The following CSRNP1 variants were observed in gnomAD, a reference collection of about 807,000 sequenced individuals.
CSRNP1 encodes the protein cysteine/serine-rich nuclear protein 1.
Under a neutral mutation model 25.0 loss-of-function variants are expected in CSRNP1, and 8 were observed. That is an observed-to-expected ratio of 0.32 (90% CI 0.19 to 0.58). The LOEUF (loss-of-function observed/expected upper bound fraction) is 0.58. CSRNP1 is among the 20% of genes least tolerant of loss of function. The probability of loss-of-function intolerance (pLI) is 0.88; values close to 1 mark genes in which losing one functional copy is unlikely to be tolerated. For synonymous variants in CSRNP1, 305 were observed against 303.1 expected, an observed-to-expected ratio of 1.01 and a Z score of -0.06; for missense variants, 691 against 773.1, an observed-to-expected ratio of 0.89 and a Z score of 1.26.
intron 3 of CSRNP1, 65 bp downstream of exon 3, chr3:39,144,932 A>AC: frequency 1.4e-6 from 2 of 1,434,146 alleles, no homozygotes; most frequent in South Asian, 2.7e-5. Flanking sequence ...TGGTACGCCC[A>AC]CCCCTCAAGG....
intron 2 of CSRNP1, among the ~76,000 whole-genome samples, chr3:39,145,510 C>T (rs2039496498): frequency 6.6e-6 from 1 of 152,236 alleles, no homozygotes; most frequent in Non-Finnish European, 1.5e-5. Context: ...TAAGATTAAA[C>T]ATCTTTCCTA....
Position 39,144,058 on chromosome 3 carries a change from T to A in CSRNP1, c.781-14A>T, listed in dbSNP as rs982907624. The A allele has an allele frequency of 1.2e-6, 2 of 1,609,012 alleles. No individual in the cohort carries two copies. Among genetic ancestry groups the A allele is most frequent in the Non-Finnish European group, 1.7e-6 (2 of 1,178,570 alleles). ...TGTGTGGTCCATCTGCAGAGAAAAG[T>A]AGAGGTACAAGTGAGGGTTCTGTGG... On this transcript the variant is annotated splice_polypyrimidine_tract_variant and intron_variant, in intron 4 of 4. Transcript: ENST00000273153.
upstream of CSRNP1, chr3:39,153,627 T>C (rs1355848891): frequency 2.0e-5 from 3 of 149,022 alleles, no homozygotes; most frequent in East Asian, 2.0e-4. Context: ...TCCGCCCTCC[T>C]CGTCAGTGGA....
chr3:39,144,219 G>T lies in CSRNP1; in HGVS notation c.698C>A (p.Ser233Tyr), dbSNP rs371362611. 6.2e-7 allele frequency: 1 copy of T among 1,614,062 alleles called. No individual in the cohort carries two copies. Among genetic ancestry groups the T allele is most frequent in the African/African-American group, 1.3e-5 (1 of 74,922 alleles). The change falls in exon 4 of 5, where the codon TCC becomes TAC. Residue 233 changes from serine (S) to tyrosine (Y), a missense_variant. By Grantham distance (144) the Ser-to-Tyr change is moderately radical. Coordinates refer to ENST00000273153, the MANE Select transcript of CSRNP1 (RefSeq NM_033027.4). ...GCAGTGACAGCCACAATCCTCCCGG[G>T]ATTGGCGCAGTGCCTGCAGCTCCCG... is the stretch of plus-strand genomic sequence containing the variant. ...EKRELQALRQ[S>Y]REDCGCHCDR...
intron 1 of CSRNP1, chr3:39,151,787 C>G (rs113240479): frequency 6.6e-6 from 1 of 152,340 alleles, no homozygotes; most frequent in Non-Finnish European, 1.5e-5. Flanking sequence ...CCTCCCCAAC[C>G]ATCCCTCTGA....
chr3:39,146,110 T>G (rs1298954287), intron 2 of CSRNP1, among the ~76,000 whole-genome samples: 1 of 152,192 alleles, frequency 6.6e-6, no homozygotes, highest in Non-Finnish European at 1.5e-5. Context: ...GGGACCGGCT[T>G]GACAGGCCCC....
Position 39,142,861 on chromosome 3 carries a change from C to T in CSRNP1, c.*194G>A, listed in dbSNP as rs2039432642. The T allele has an allele frequency of 6.8e-6, 4 of 592,426 alleles. No individual in the cohort carries two copies. The Admixed American group carries it at 1.5e-4, about 22-fold the overall frequency. The allele number at this position is 592,426 out of a possible 1,614,324, so 36.7% of individuals were successfully genotyped here. On this transcript the variant is annotated 3_prime_UTR_variant, in exon 5 of 5. Transcript: ENST00000273153. ...AGCTGAAAGGGGAAGCCCCCTCCCC[C>T]CAGTCCTCTCTTCAGCACAGAAAAG...
At position 39,142,197 on chromosome 3, in the gene CSRNP1, C is replaced by G. The variant is rs1282159379; in HGVS notation, c.*858G>C. On this transcript the variant is annotated 3_prime_UTR_variant, in exon 5 of 5. Transcript: ENST00000273153. ...CATGGTTCGCGCCCCGAGGTAGGCCCTTTGCCCTCTCTGGGCTTCCTGTTT... is the reference window on the plus strand; with the variant it reads ...CATGGTTCGCGCCCCGAGGTAGGCCGTTTGCCCTCTCTGGGCTTCCTGTTT... The G allele has an allele frequency of 6.6e-6, 1 of 152,330 alleles. No individual in the cohort carries two copies. Among genetic ancestry groups the G allele is most frequent in the Non-Finnish European group, 1.5e-5 (1 of 68,072 alleles). The allele number at this position is 152,330 out of a possible 1,614,324, so 9.4% of individuals were successfully genotyped here.
rs186867765 is a variant in CSRNP1, at chr3:39,146,427, C to T, written c.205+51G>A. 4.2e-4 allele frequency: 626 copies of T among 1,477,732 alleles called. 4 individuals carry two copies. In the African/African-American group the frequency reaches 8.0e-3, roughly 19 times the overall value. 91.5% of individuals were successfully genotyped at this position (1,477,732 alleles called of 1,614,324 possible). ...TTGGTCAGGGACTTCTAAATTTCAT[C>T]TTTCAGGAAGGCAGGCAGGTGATGG... is the stretch of plus-strand genomic sequence containing the variant. On this transcript the variant is annotated intron_variant, in intron 2 of 4. Transcript: ENST00000273153.
At chr3:39,146,829 T>C (rs2039520392) in intron 1 of CSRNP1, 107 bp from the exon 2 acceptor site, 3 of 1,429,722 alleles carry the variant, frequency 2.1e-6, no homozygotes, top group African/African-American at 1.4e-5. Flanking sequence ...TCCCAGACCC[T>C]GGCCTCTGCC....
In CSRNP1 at chr3:39,143,221, G is replaced by C; in HGVS notation, c.1604C>G (p.Pro535Arg). 1 of 1,614,210 alleles carries C rather than the reference G, an allele frequency of 6.2e-7. No homozygotes were observed. Among genetic ancestry groups the C allele is most frequent in the Non-Finnish European group, 8.5e-7 (1 of 1,180,038 alleles). ...AGACAGGCCAGGCAGGGGGAAGTGA[G>C]GTGCCTCGATGTTGTCCAGGCTGTC... ...VSDSLDNIEA[P>R]HFPLPGLSPP... Residue 535 changes from proline to arginine, a missense_variant, in exon 5 of 5, where the codon CCT (proline) becomes CGT (arginine). Coordinates refer to ENST00000273153, the MANE Select transcript of CSRNP1 (RefSeq NM_033027.4).
At position 39,143,009 on chromosome 3, in the gene CSRNP1, A is replaced by C; in HGVS notation, c.*46T>G. On this transcript the variant is annotated 3_prime_UTR_variant, in exon 5 of 5. Coordinates refer to ENST00000273153, the MANE Select transcript of CSRNP1 (RefSeq NM_033027.4). ...CTCTGGGGAGCCCCATAATTACAAG[A>C]AAGCAGCAACAGGTCTCTTGGGGCT... is the stretch of plus-strand genomic sequence containing the variant. 2 of 1,519,908 alleles carry C rather than the reference A, an allele frequency of 1.3e-6. No homozygotes were observed. 94.2% of individuals were successfully genotyped at this position (1,519,908 alleles called of 1,614,324 possible).
At chr3:39,145,797 T>C (rs1049717159) in intron 2 of CSRNP1, among the ~76,000 whole-genome samples, 1 of 152,256 alleles carries the variant, frequency 6.6e-6, no homozygotes. Flanking sequence ...TTTCTGTTTA[T>C]ACTGTTAGAT....
At chr3:39,144,631 GAAA>G (rs57973898) in intron 3 of CSRNP1, among the ~76,000 whole-genome samples, 180 bp from the exon 4 acceptor site, 18 of 136,780 alleles carry the variant, frequency 1.3e-4, no homozygotes, top group African/African-American at 4.9e-4. Flanking sequence ...CAGGGCATTT[GAAA>G]AAAAAAAAAA....
upstream of CSRNP1, chr3:39,153,833 G>C (rs1004222049): frequency 6.8e-6 from 1 of 147,166 alleles, no homozygotes; most frequent in Admixed American, 6.7e-5. Flanking sequence ...CGCCCTCCCC[G>C]CCCCGCTTCC....
rs1469616266 is a variant in CSRNP1, at chr3:39,142,965, T to C, written c.*90A>G. On this transcript the variant is annotated 3_prime_UTR_variant, in exon 5 of 5. Coordinates refer to ENST00000273153, the MANE Select transcript of CSRNP1 (RefSeq NM_033027.4). ...TGGCACCTGTGGGTGAGCCAGCCAG[T>C]GGGAGACTGTTACGCAGACTCTGGG... 6.9e-7 allele frequency: 1 copy of C among 1,439,514 alleles called. No individual in the cohort carries two copies. Among genetic ancestry groups the C allele is most frequent in the African/African-American group, 1.4e-5 (1 of 70,102 alleles). The allele number at this position is 1,439,514 out of a possible 1,614,324, so 89.2% of individuals were successfully genotyped here.
chr3:39,144,487 G>T, intron 3 of CSRNP1, 36 bp from the exon 4 acceptor site: 1 of 1,554,542 alleles, frequency 6.4e-7, no homozygotes, highest in South Asian at 1.2e-5. Flanking sequence ...AAGAAGCACA[G>T]ACATGGACAT....
intron 2 of CSRNP1, 151 bp downstream of exon 2, chr3:39,146,327 A>T: frequency 1.0e-6 from 1 of 968,010 alleles, no homozygotes; most frequent in Non-Finnish European, 1.5e-6. Context: ...TGGACAGTGG[A>T]CACTGAGTGA....
Position 39,145,152 on chromosome 3 carries a change from G to A in CSRNP1, c.310C>T (p.Pro104Ser). Reference protein sequence around the residue: ...FPRCQGFTSVPSRGGCTLGMA... With the variant: ...FPRCQGFTSVSSRGGCTLGMA... ...CCCAGAGTACAGCCACCACGGCTGG[G>A]CACACTGGTGAAGCCCTGGCAGCGG... The change falls in exon 3 of 5, where the codon CCC becomes TCC. Residue 104 changes from proline to serine, a missense_variant. Transcript: ENST00000273153. 6.2e-7 allele frequency: 1 copy of A among 1,614,282 alleles called. No individual in the cohort carries two copies. Among genetic ancestry groups the A allele is most frequent in the Non-Finnish European group, 8.5e-7 (1 of 1,180,046 alleles).
Sources: gnomAD v4.1 joint callset for allele counts (sites outside exome capture counted in the v4.1 genomes callset) on GRCh38, gnomAD v4.1.1 for gene constraint, MANE v1.5 for transcripts, NCBI Gene and HGNC (gene_info 2026-07-23, HGNC 2026-07-21) for gene names.